RAD50: variants seen among roughly 807,000 people sequenced by gnomAD.
The protein encoded by RAD50 is DNA repair protein RAD50.
RAD50 carries 132 observed loss-of-function variants against 168.8 expected under a neutral mutation model. The ratio of observed to expected loss-of-function variants is 0.78; its 90% CI spans 0.68 to 0.90. The LOEUF (loss-of-function observed/expected upper bound fraction) is 0.90, where lower values mean the gene tolerates loss of function less well. Ranked by LOEUF, RAD50 falls within the 40% of genes least tolerant of loss-of-function variation. The pLI is 0.00. For synonymous variants in RAD50, 525 were observed against 497.4 expected, an observed-to-expected ratio of 1.06 and a Z score of -0.74; for missense variants, 1,347 against 1,534.4, an observed-to-expected ratio of 0.88 and a Z score of 2.04.
intron 23 of RAD50, among the ~76,000 whole-genome samples, chr5:132,640,204 CAAG>C (rs1751687666): frequency 6.6e-6 from 1 of 152,080 alleles, no homozygotes; most frequent in South Asian, 2.1e-4. Context: ...GGATTATACA[CAAG>C]AATATGGAAA....
rs528348858 is a variant in RAD50, at chr5:132,635,292, T to C, written c.3390-1823T>C. Among the ~76,000 whole-genome samples the C allele has an allele frequency of 5.2e-5, 8 of 152,390 alleles. No homozygotes were observed. In the South Asian group the frequency reaches 1.7e-3, roughly 32 times the overall value. Reference sequence around the variant, plus strand: ...ATGAAATTGATTATTTAGCATAGTTTTGTCTCGCATATGGTAAATGGTCAT... The same window carrying C: ...ATGAAATTGATTATTTAGCATAGTTCTGTCTCGCATATGGTAAATGGTCAT... On this transcript the variant is annotated intron_variant, in intron 21 of 24. Transcript: ENST00000378823.
chr5:132,646,209 A>C lies in RAD50; in HGVS notation c.*3845A>C, dbSNP rs1157400385. Reference sequence around the variant, plus strand: ...GACCACTCCTACAACCACCATCTATACACTGATAACTCATAAATGTTTGTG... The same window carrying C: ...GACCACTCCTACAACCACCATCTATCCACTGATAACTCATAAATGTTTGTG... On this transcript the variant is annotated 3_prime_UTR_variant, in exon 25 of 25. Transcript: ENST00000378823. 1 of 152,070 alleles carries C rather than the reference A, an allele frequency of 6.6e-6. No individual in the cohort carries two copies. Among genetic ancestry groups the C allele is most frequent in the Non-Finnish European group, 1.5e-5 (1 of 68,042 alleles). The allele number at this position is 152,070 out of a possible 1,614,324, so 9.4% of individuals were successfully genotyped here.
rs1580997071 is a variant in RAD50, at chr5:132,595,697, C to G, written c.2094C>G (p.Ile698Met). 1.2e-6 allele frequency: 2 copies of G among 1,613,706 alleles called. No individual in the cohort carries two copies. Among genetic ancestry groups the G allele is most frequent in the Non-Finnish European group, 1.7e-6 (2 of 1,179,666 alleles). ...CAGAGGCTGAGTTACAAGAAGTCAT[C>G]AGTGATTTGCAGTCTAAACTGCGAC... is the stretch of plus-strand genomic sequence containing the variant. The part of the protein sequence containing the change: ...FQTEAELQEV[I>M]SDLQSKLRLA... The change falls in exon 13 of 25, where the codon ATC becomes ATG. Residue 698 changes from isoleucine to methionine, a missense_variant. Around this residue, in one of 3 missense-constraint regions of RAD50, gnomAD observed 635 missense variants for 739.2 expected, o/e 0.86. Transcript: ENST00000378823.
At position 132,557,288 on chromosome 5, in the gene RAD50, C is replaced by T; in HGVS notation, c.-37C>T. 1 of 1,612,516 alleles carries T rather than the reference C, an allele frequency of 6.2e-7. No homozygotes were observed. Among genetic ancestry groups the T allele is most frequent in the Non-Finnish European group, 8.5e-7 (1 of 1,178,478 alleles). ...TCGGCCTCAGTTAAGCCTTTGTGGG[C>T]TCCAGGTCCCTGGTGAGATTAGAAA... On this transcript the variant is annotated 5_prime_UTR_variant, in exon 1 of 25. Coordinates refer to ENST00000378823, the MANE Select transcript of RAD50 (RefSeq NM_005732.4).
chr5:132,607,872 A>G (rs1210226079), intron 16 of RAD50, among the ~76,000 whole-genome samples: 2 of 152,172 alleles, frequency 1.3e-5, no homozygotes, highest in Admixed American at 6.5e-5. Flanking sequence ...AATTGTATCT[A>G]CCTCTATAGA....
In RAD50 at chr5:132,595,460, T is replaced by G; in HGVS notation, c.1970-113T>G. 3 of 637,886 alleles carry G rather than the reference T, an allele frequency of 4.7e-6. 1 individual carries two copies. The South Asian group carries it at 8.7e-5, about 19-fold the overall frequency. 39.5% of individuals were successfully genotyped at this position (637,886 alleles called of 1,614,324 possible). ...CAGAATTTTTATTTCTTTTATAATA[T>G]ATTTATAAAGCAAGAATAATCATAT... On this transcript the variant is annotated intron_variant, in intron 12 of 24. Coordinates refer to ENST00000378823, the MANE Select transcript of RAD50 (RefSeq NM_005732.4).
chr5:132,636,925 G>A (rs1049934209), intron 21 of RAD50, among the ~76,000 whole-genome samples, 190 bp from the exon 22 acceptor site: 7 of 152,136 alleles, frequency 4.6e-5, no homozygotes, highest in African/African-American at 1.4e-4. Flanking sequence ...TTCAGTATTA[G>A]CCAAGCAGCA....
intron 11 of RAD50, chr5:132,593,611 T>G (rs897881610): frequency 6.6e-6 from 1 of 152,162 alleles, no homozygotes; most frequent in African/African-American, 2.4e-5. Flanking sequence ...GGTCAAAAAT[T>G]CCACACAGAT....
chr5:132,637,269 CTCA>C lies in RAD50; in HGVS notation c.3475+74_3475+76del, dbSNP rs1751603436. On this transcript the variant is annotated intron_variant, in intron 22 of 24. Coordinates refer to ENST00000378823, the MANE Select transcript of RAD50 (RefSeq NM_005732.4). ...TCCGCAGCTCTTCCCCTTATGACCT[CTCA>C]TCATGCCAGCATTACCTCCCTGGAC... is the stretch of plus-strand genomic sequence containing the variant. The C allele has an allele frequency of 3.4e-5, 53 of 1,560,412 alleles. 1 individual carries two copies. In the South Asian group the frequency reaches 5.7e-4, roughly 17 times the overall value.
At position 132,587,503 on chromosome 5, in the gene RAD50, A is replaced by G. The variant is rs967558879; in HGVS notation, c.757-59A>G. On this transcript the variant is annotated intron_variant, in intron 5 of 24. Transcript: ENST00000378823. ...GACCTGGAGTATCTTACTTGTCTTC[A>G]TCTATCAGCCATGTAAGCTATAGTG... 7.1e-5 allele frequency: 113 copies of G among 1,593,506 alleles called. 1 individual carries two copies. In the African/African-American group the frequency reaches 1.3e-3, roughly 19 times the overall value.
chr5:132,602,100 C>T (rs1750899605), intron 13 of RAD50, among the ~76,000 whole-genome samples: 1 of 152,060 alleles, frequency 6.6e-6, no homozygotes, highest in African/African-American at 2.4e-5. Flanking sequence ...ACACGTTCTG[C>T]ACGTGTATCC....
rs1372921882 is a variant in RAD50 at position 132,618,286 on chromosome 5, T to G, written c.3381T>G (p.Thr1127=). The G allele has an allele frequency of 5.0e-6, 8 of 1,614,012 alleles. No individual in the cohort carries two copies. The South Asian group carries it at 7.7e-5, about 16-fold the overall frequency. Residue 1127 remains threonine, a synonymous_variant, in exon 21 of 25, where the codon ACT becomes ACG. Coordinates refer to ENST00000378823, the MANE Select transcript of RAD50 (RefSeq NM_005732.4). The part of the protein sequence containing the change: ...VNKDLDIYYK[T]LDQAIMKFHS... The stretch of plus-strand genomic sequence containing the variant: ...AGGATCTGGATATTTATTATAAGAC[T>G]CTTGACCAGTAAGTATTAGACTGGG...
At chr5:132,576,008 A>C (rs1390817144) in intron 3 of RAD50, 80 bp downstream of exon 3, 3 of 1,364,986 alleles carry the variant, frequency 2.2e-6, no homozygotes, top group Admixed American at 4.7e-5. Context: ...TTTCTACTAT[A>C]AGTTTAGGGG....
chr5:132,640,585 C>G (rs1410793352), intron 23 of RAD50, 87 bp from the exon 24 acceptor site: 1 of 1,576,104 alleles, frequency 6.3e-7, no homozygotes, highest in Non-Finnish European at 8.7e-7. Context: ...CCACTTTTCC[C>G]TGCTGAAAAG....
chr5:132,566,608 A>G (rs541827762), intron 2 of RAD50, among the ~76,000 whole-genome samples: 1 of 152,134 alleles, frequency 6.6e-6, no homozygotes, highest in African/African-American at 2.4e-5. Flanking sequence ...TCCCTGCTTC[A>G]TGTCTTGTCT....
At chr5:132,603,888 A>T in intron 14 of RAD50, 32 bp from the exon 15 acceptor site, 1 of 1,538,086 alleles carries the variant, frequency 6.5e-7, no homozygotes, top group Non-Finnish European at 9.0e-7. Flanking sequence ...CAGTAAGTTT[A>T]TTAAAGGAAA....
intron 23 of RAD50, among the ~76,000 whole-genome samples, chr5:132,640,280 C>A (rs1163598407): frequency 6.6e-6 from 1 of 152,172 alleles, no homozygotes; most frequent in Admixed American, 6.5e-5. Flanking sequence ...TCTAACAGAT[C>A]CCATTATCAG....
chr5:132,640,868 TAGTTCTTCAAAACCAAGAG>T, intron 24 of RAD50, 63 bp downstream of exon 24: 1 of 1,607,616 alleles, frequency 6.2e-7, no homozygotes, highest in African/African-American at 1.3e-5. Flanking sequence ...CAGGTTGTGA[TAGTTCTTCAAAACCAAGAG>T]AGTTCTGTGA....
intron 21 of RAD50, among the ~76,000 whole-genome samples, chr5:132,623,371 A>T (rs979530171): frequency 6.6e-6 from 1 of 152,166 alleles, no homozygotes; most frequent in Non-Finnish European, 1.5e-5. Context: ...AATGCCAGCT[A>T]CTCAGGAGGC....
Sources: gnomAD v4.1 joint callset for allele counts (sites outside exome capture counted in the v4.1 genomes callset) on GRCh38, gnomAD v4.1.1 for gene constraint, gnomAD v4.1.1 regional missense constraint, MANE v1.5 for transcripts, NCBI Gene and HGNC (gene_info 2026-07-23, HGNC 2026-07-21) for gene names.